Variants in NCALD observed in about 807,000 individuals in gnomAD.
The protein encoded by NCALD is neurocalcin-delta.
In NCALD, 10 loss-of-function variants were observed where a neutral mutation model predicts 18.6. The ratio of observed to expected loss-of-function variants is 0.54; its 90% CI spans 0.33 to 0.91. The LOEUF (loss-of-function observed/expected upper bound fraction) is 0.91. Ranked by LOEUF, NCALD falls within the 40% of genes least tolerant of loss-of-function variation. The pLI, the probability that NCALD is intolerant of heterozygous loss-of-function variation, is 0.03. For missense variants in NCALD, 184 were observed against 247.6 expected (o/e 0.74, Z 1.72); for synonymous variants, 88 against 87.4 (o/e 1.01, Z -0.04).
chr8:101,957,843 G>T (rs1042531735), intron 2 of NCALD, among the ~76,000 whole-genome samples: 1 of 152,176 alleles, frequency 6.6e-6, no homozygotes, highest in Non-Finnish European at 1.5e-5. Context: ...ACCCTACCAG[G>T]CTGTTGGAAT....
intron 3 of NCALD, among the ~76,000 whole-genome samples, chr8:101,889,567 T>C (rs2131499776): frequency 6.6e-6 from 1 of 152,334 alleles, no homozygotes; most frequent in Middle Eastern, 3.4e-3. Flanking sequence ...GAGACATAGC[T>C]CAAATGGTGA....
At chr8:102,098,430 TC>T (rs1165843404) in intron 1 of NCALD, among the ~76,000 whole-genome samples, 2 of 152,146 alleles carry the variant, frequency 1.3e-5, no homozygotes, top group African/African-American at 4.8e-5. Context: ...GAACTCTTCC[TC>T]CCCGGCCTCT....
chr8:101,858,623 T>G (rs984038150), intron 4 of NCALD, among the ~76,000 whole-genome samples: 1 of 152,086 alleles, frequency 6.6e-6, no homozygotes, highest in Admixed American at 6.6e-5. Flanking sequence ...GCATCTAGAA[T>G]GTCAGCAGCC....
In NCALD at chr8:102,038,576, G is replaced by T. The variant is rs189339541; in HGVS notation, c.-209-18287C>A. ...AGTCCCTAGAAGCCCTAAGTGGCAG[G>T]GCTCCAGCTTCTGCAGCATTCACCA... On this transcript the variant is annotated intron_variant, in intron 1 of 6. Coordinates refer to the NCALD transcript ENST00000311028. Among the ~76,000 whole-genome samples, 392 of 152,212 alleles carry T rather than the reference G, an allele frequency of 2.6e-3. 1 individual carries two copies. The highest frequency in any genetic ancestry group is 3.2e-3 in the Non-Finnish European group (219 of 68,006).
At chr8:101,892,306 T>A (rs1816936738) in intron 3 of NCALD, among the ~76,000 whole-genome samples, 1 of 146,046 alleles carries the variant, frequency 6.8e-6, no homozygotes, top group South Asian at 2.1e-4. Flanking sequence ...GAGGGTCCTG[T>A]CTGTTAGAAG....
chr8:101,760,728 A>T (rs1811077685), intron 1 of NCALD, among the ~76,000 whole-genome samples: 1 of 152,164 alleles, frequency 6.6e-6, no homozygotes, highest in African/African-American at 2.4e-5. Flanking sequence ...ACTTGCCATA[A>T]GCAGTAGTAA....
At chr8:101,959,698 C>T (rs1819765617) in intron 2 of NCALD, among the ~76,000 whole-genome samples, 1 of 152,142 alleles carries the variant, frequency 6.6e-6, no homozygotes, top group African/African-American at 2.4e-5. Context: ...TTTGGCACAA[C>T]ATGTTGTTGC....
intron 2 of NCALD, among the ~76,000 whole-genome samples, chr8:101,965,777 TA>T (rs1820004022): frequency 1.3e-5 from 2 of 152,136 alleles, no homozygotes; most frequent in African/African-American, 4.8e-5. Context: ...AAAAAATGTT[TA>T]AAAAAGAAAA....
intron 3 of NCALD, among the ~76,000 whole-genome samples, chr8:101,890,884 G>A (rs946617245): frequency 1.3e-5 from 2 of 152,142 alleles, no homozygotes; most frequent in African/African-American, 4.8e-5. Flanking sequence ...CAAAAAGCTA[G>A]ATTTAACACA....
At chr8:101,734,183 C>T (rs1005603486) in intron 1 of NCALD, among the ~76,000 whole-genome samples, 7 of 152,296 alleles carry the variant, frequency 4.6e-5, no homozygotes, top group African/African-American at 1.7e-4. Flanking sequence ...GTTCTTCACT[C>T]GGCAGCCATT....
chr8:102,051,133 T>A (rs1275598951), intron 1 of NCALD, among the ~76,000 whole-genome samples: 1 of 152,136 alleles, frequency 6.6e-6, no homozygotes, highest in East Asian at 1.9e-4. Flanking sequence ...CCCCCAATAG[T>A]GTCCTTTTTT....
chr8:101,820,736 T>C (rs544444795), intron 4 of NCALD, among the ~76,000 whole-genome samples: 3 of 152,346 alleles, frequency 2.0e-5, no homozygotes, highest in African/African-American at 7.2e-5. Flanking sequence ...AAATTAGCTT[T>C]TCCAGGTTAA....
At chr8:101,729,975 A>G (rs977023213) in intron 1 of NCALD, among the ~76,000 whole-genome samples, 6 of 152,224 alleles carry the variant, frequency 3.9e-5, no homozygotes, top group Admixed American at 1.3e-4. Context: ...CCAAAGTATT[A>G]CATCATTATT....
intron 2 of NCALD, among the ~76,000 whole-genome samples, chr8:101,944,202 TGA>T (rs1819077521): frequency 6.6e-6 from 1 of 152,238 alleles, no homozygotes; most frequent in Non-Finnish European, 1.5e-5. Context: ...TCACCCTTTT[TGA>T]GAGAGTCTTT....
At chr8:102,079,927 TA>T in intron 1 of NCALD, among the ~76,000 whole-genome samples, 1 of 152,202 alleles carries the variant, frequency 6.6e-6, no homozygotes, top group Non-Finnish European at 1.5e-5. Context: ...CCAAATATTA[TA>T]AAGCACATCC....
chr8:101,691,624 C>T (rs536994570), intron 3 of NCALD: 52 of 985,380 alleles, frequency 5.3e-5, no homozygotes, highest in Admixed American at 2.5e-4. Context: ...CTTGTTTAGT[C>T]ACAACTATTC....
At chr8:101,699,990 G>T (rs1384023131) in intron 2 of NCALD, among the ~76,000 whole-genome samples, 2 of 152,112 alleles carry the variant, frequency 1.3e-5, no homozygotes, top group African/African-American at 4.8e-5. Context: ...GCTAAGCAGT[G>T]GAGATACAAT....
intron 2 of NCALD, 96 bp downstream of exon 2, chr8:101,719,156 C>T (rs1425689377): frequency 1.4e-6 from 2 of 1,449,346 alleles, no homozygotes; most frequent in Non-Finnish European, 1.9e-6. Context: ...TGGTGACTCA[C>T]CAGTTTGCAA....
intron 1 of NCALD, among the ~76,000 whole-genome samples, chr8:102,029,708 A>C (rs537492313): frequency 3.3e-5 from 5 of 152,306 alleles, no homozygotes; most frequent in Non-Finnish European, 5.9e-5. Flanking sequence ...AAAACCAAAA[A>C]CACAGCATTC....
Sources: gnomAD v4.1 joint callset for allele counts (sites outside exome capture counted in the v4.1 genomes callset) on GRCh38, gnomAD v4.1.1 for gene constraint, MANE v1.5 for transcripts, NCBI Gene and HGNC (gene_info 2026-07-23, HGNC 2026-07-21) for gene names.